The following BCAS4 variants were observed in gnomAD, a reference collection of about 807,000 sequenced individuals.
BCAS4 encodes breast carcinoma amplified sequence 4, also known as breast carcinoma-amplified sequence 4.
BCAS4 carries 9 observed loss-of-function variants against 15.7 expected under a neutral mutation model. That is an observed-to-expected ratio of 0.57 (90% CI 0.34 to 1.00). BCAS4 has a LOEUF of 1.00. Among genes scored for constraint, BCAS4 ranks in the 50% least tolerant of loss-of-function variants. The pLI is 0.02. For missense variants in BCAS4, 225 were observed against 239.1 expected (o/e 0.94, Z 0.39); for synonymous variants, 101 against 99.5 (o/e 1.02, Z -0.09).
chr20:50,829,004 G>A (rs757302527), intron 2 of BCAS4, among the ~76,000 whole-genome samples: 2 of 152,170 alleles, frequency 1.3e-5, no homozygotes, highest in Non-Finnish European at 2.9e-5. Flanking sequence ...TCAGAGAGGT[G>A]CAGTGAGTTG....
rs181269525 is a variant in BCAS4 at position 50,865,407 on chromosome 20, C to G, written c.400-11079C>G. 1.2e-4 allele frequency among the ~76,000 whole-genome samples: 18 copies of G among 152,298 alleles called. No individual in the cohort carries two copies. In the East Asian group the frequency reaches 3.3e-3, roughly 28 times the overall value. On this transcript the variant is annotated intron_variant, in intron 4 of 4. Transcript: ENST00000371608. ...GAGGGTGCCGTGACACCGACTCCCC[C>G]CACCTGCTGTCCCTGTGTGTGAGCT...
chr20:50,857,526 G>C (rs1363045840), intron 4 of BCAS4, among the ~76,000 whole-genome samples: 3 of 152,218 alleles, frequency 2.0e-5, no homozygotes, highest in African/African-American at 7.2e-5. Context: ...GAAAACAGAG[G>C]CACAGAGAGG....
At chr20:50,811,538 C>T (rs1427117343) in intron 1 of BCAS4, among the ~76,000 whole-genome samples, 1 of 152,252 alleles carries the variant, frequency 6.6e-6, no homozygotes, top group Middle Eastern at 3.4e-3. Context: ...ATTCCCTCCT[C>T]TCCCTGCCAC....
chr20:50,817,524 G>A lies in BCAS4; in HGVS notation c.91-687G>A, dbSNP rs531060826. Among the ~76,000 whole-genome samples the A allele has an allele frequency of 9.2e-5, 14 of 152,172 alleles. No homozygotes were observed. The South Asian group carries it at 2.9e-3, about 32-fold the overall frequency. Reference sequence around the variant, plus strand: ...GTTGCCCAGGCTAGAGTGCAGTGGTGCAATCTTGGCTCACTGCAGCCTCCG... The same window carrying A: ...GTTGCCCAGGCTAGAGTGCAGTGGTACAATCTTGGCTCACTGCAGCCTCCG... On this transcript the variant is annotated intron_variant, in intron 1 of 4. Transcript: ENST00000371608.
At chr20:50,880,176 CA>C (rs1314026443), downstream of BCAS4, 1 of 152,214 alleles carries the variant, frequency 6.6e-6, no homozygotes, top group Non-Finnish European at 1.5e-5. Flanking sequence ...GAAAAGGTGA[CA>C]AGTGAACTGG....
chr20:50,877,232 A>G (rs538786588), downstream of BCAS4: 6 of 152,324 alleles, frequency 3.9e-5, no homozygotes, highest in African/African-American at 1.4e-4. Flanking sequence ...TCACCTGTGC[A>G]GTGTTTTCTA....
chr20:50,877,747 G>A (rs1980024635), downstream of BCAS4: 1 of 152,350 alleles, frequency 6.6e-6, no homozygotes, highest in African/African-American at 2.4e-5. Flanking sequence ...GTTTTTCAAG[G>A]AAGCCTAAAA....
rs779749118 is a variant in BCAS4, at chr20:50,818,282, G to A, written c.162G>A (p.Leu54=). 31 of 1,508,670 alleles carry A rather than the reference G, an allele frequency of 2.1e-5. 1 individual carries two copies. In the East Asian group the frequency reaches 7.2e-4, roughly 35 times the overall value. 93.5% of individuals were successfully genotyped at this position (1,508,670 alleles called of 1,614,324 possible). ...RLEEFCSLAD[L]IRSDTSQILE... ...AAGAGTTTTGCAGCCTGGCTGACCT[G>A]GTGAGTGGCTGCCTGGAAGGCGTGG... is the stretch of plus-strand genomic sequence containing the variant. Residue 54 remains leucine, a splice_region_variant and synonymous_variant, in exon 2 of 5, where the codon CTG becomes CTA. Coordinates refer to ENST00000371608, the MANE Select transcript of BCAS4 (RefSeq NM_198799.4).
rs1184380641 is a variant in BCAS4, at chr20:50,841,036, G to C, written c.265-730G>C. On this transcript the variant is annotated intron_variant, in intron 3 of 4. Transcript: ENST00000371608. ...GCAGAGACGCAGTTTCACCATGTTG[G>C]CCAGGCTGGTCTTGAACTCCTGACC... 11 of 364,252 alleles carry C rather than the reference G, an allele frequency of 3.0e-5. No individual in the cohort carries two copies. In the East Asian group the frequency reaches 7.6e-4, roughly 25 times the overall value. The allele number at this position is 364,252 out of a possible 1,614,324, so 22.6% of individuals were successfully genotyped here.
intron 2 of BCAS4, among the ~76,000 whole-genome samples, chr20:50,821,164 T>C (rs1411565238): frequency 1.3e-5 from 2 of 152,202 alleles, no homozygotes; most frequent in Non-Finnish European, 2.9e-5. Flanking sequence ...GTATTTTTGA[T>C]AGATGATGTT....
chr20:50,813,596 G>A (rs867068881), intron 1 of BCAS4, among the ~76,000 whole-genome samples: 2 of 151,574 alleles, frequency 1.3e-5, no homozygotes, highest in Non-Finnish European at 2.9e-5. Context: ...AGTCAAGGGT[G>A]CTCCGAAGTA....
At chr20:50,833,257 G>A (rs759014219) in intron 3 of BCAS4, among the ~76,000 whole-genome samples, 27 of 152,160 alleles carry the variant, frequency 1.8e-4, no homozygotes, top group Admixed American at 4.6e-4. Context: ...CAGTGGGGCC[G>A]AAGAAACTGG....
At chr20:50,833,819 G>A (rs2088373740) in intron 3 of BCAS4, among the ~76,000 whole-genome samples, 1 of 152,192 alleles carries the variant, frequency 6.6e-6, no homozygotes, top group African/African-American at 2.4e-5. Context: ...CCTGCAGGTG[G>A]TCCTGGAGGA....
chr20:50,869,668 C>T (rs546699360), intron 4 of BCAS4, among the ~76,000 whole-genome samples: 27 of 151,124 alleles, frequency 1.8e-4, no homozygotes, highest in African/African-American at 6.3e-4. Context: ...GTTTGTTGTT[C>T]CTGTTCTATT....
At chr20:50,875,040 C>G (rs1169655372) in intron 4 of BCAS4, among the ~76,000 whole-genome samples, 1 of 151,994 alleles carries the variant, frequency 6.6e-6, no homozygotes, top group African/African-American at 2.4e-5. Context: ...CGGGAGCCCT[C>G]TCCTTCTTCT....
intron 1 of BCAS4, among the ~76,000 whole-genome samples, chr20:50,815,718 A>C (rs143960883): frequency 6.6e-6 from 1 of 152,168 alleles, no homozygotes; most frequent in Non-Finnish European, 1.5e-5. Flanking sequence ...TTTTTTGTGC[A>C]GTCGTTTATT....
intron 1 of BCAS4, among the ~76,000 whole-genome samples, chr20:50,808,128 G>A (rs2088017276): frequency 6.6e-6 from 1 of 151,944 alleles, no homozygotes. Context: ...TAGCCAGGAT[G>A]GTCTCGATCT....
chr20:50,796,002 A>T (rs1023883552), intron 1 of BCAS4, among the ~76,000 whole-genome samples: 1 of 151,840 alleles, frequency 6.6e-6, no homozygotes, highest in South Asian at 2.1e-4. Context: ...TGGGATGGGG[A>T]TAGGGGACGG....
chr20:50,836,171 C>T (rs991138957), intron 3 of BCAS4, among the ~76,000 whole-genome samples: 2 of 152,186 alleles, frequency 1.3e-5, no homozygotes, highest in Non-Finnish European at 2.9e-5. Context: ...CCGCTTCAGC[C>T]TCCCAAAGTG....
Sources: gnomAD v4.1 joint callset for allele counts (sites outside exome capture counted in the v4.1 genomes callset) on GRCh38, gnomAD v4.1.1 for gene constraint, MANE v1.5 for transcripts, NCBI Gene and HGNC (gene_info 2026-07-23, HGNC 2026-07-21) for gene names.